TMEM87A: variants seen among roughly 807,000 people sequenced by gnomAD.
TMEM87A encodes the protein transmembrane protein 87A, also known as Golgi-pH regulating cation channel.
In TMEM87A, 50 loss-of-function variants were observed where a neutral mutation model predicts 90.0. The ratio of observed to expected loss-of-function variants is 0.56; its 90% confidence interval spans 0.44 to 0.70. The LOEUF (loss-of-function observed/expected upper bound fraction) is 0.70. Among genes scored for constraint, TMEM87A ranks in the 30% least tolerant of loss-of-function variants. The probability of loss-of-function intolerance (pLI) is 0.00; values close to 1 mark genes in which losing one functional copy is unlikely to be tolerated. For missense variants in TMEM87A, 577 were observed against 660.5 expected (o/e 0.87, Z 1.39); for synonymous variants, 226 against 226.7 (o/e 1.00, Z 0.03).
chr15:42,222,949 T>C (rs967423236), intron 15 of TMEM87A, among the ~76,000 whole-genome samples: 13 of 152,276 alleles, frequency 8.5e-5, no homozygotes, highest in Non-Finnish European at 1.2e-4. Flanking sequence ...AGATGCAAAA[T>C]GTACAATCCT....
At chr15:42,225,053 A>T (rs2050564662) in intron 15 of TMEM87A, among the ~76,000 whole-genome samples, 1 of 152,204 alleles carries the variant, frequency 6.6e-6, no homozygotes, top group African/African-American at 2.4e-5. Context: ...CAATAGTGTG[A>T]TTTCAGATCT....
chr15:42,269,684 C>G (rs973522470), intron 2 of TMEM87A, among the ~76,000 whole-genome samples: 1 of 152,086 alleles, frequency 6.6e-6, no homozygotes, highest in African/African-American at 2.4e-5. Context: ...CGCCTGTAAT[C>G]CCAGCACTTT....
chr15:42,266,949 TGA>T (rs1415776840), intron 3 of TMEM87A, among the ~76,000 whole-genome samples: 4 of 152,202 alleles, frequency 2.6e-5, no homozygotes, highest in African/African-American at 9.7e-5. Context: ...CTTGGTTATT[TGA>T]GAGTTATTTC....
intron 6 of TMEM87A, among the ~76,000 whole-genome samples, chr15:42,254,023 T>C (rs903838306): frequency 6.6e-6 from 1 of 152,230 alleles, no homozygotes; most frequent in Admixed American, 6.5e-5. Flanking sequence ...TATTAATTAT[T>C]TTGTTCTCCA....
At chr15:42,228,896 G>A in intron 12 of TMEM87A, 76 bp from the exon 13 acceptor site, 2 of 1,061,180 alleles carry the variant, frequency 1.9e-6, no homozygotes, top group Non-Finnish European at 1.4e-6. Context: ...TTTCTTTAAG[G>A]ATCTGGGGTC....
At chr15:42,249,323 G>C (rs1392639560) in intron 6 of TMEM87A, among the ~76,000 whole-genome samples, 1 of 152,104 alleles carries the variant, frequency 6.6e-6, no homozygotes, top group African/African-American at 2.4e-5. Context: ...TCTTCTAGTA[G>C]CTTTTGAATT....
intron 19 of TMEM87A, among the ~76,000 whole-genome samples, chr15:42,217,268 A>G (rs1383433474): frequency 6.6e-6 from 1 of 152,132 alleles, no homozygotes; most frequent in East Asian, 1.9e-4. Flanking sequence ...ATCCTAACAT[A>G]AGACTTCATG....
chr15:42,214,839 A>C (rs528406793), intron 19 of TMEM87A, among the ~76,000 whole-genome samples: 4 of 152,352 alleles, frequency 2.6e-5, no homozygotes, highest in African/African-American at 9.6e-5. Context: ...AAAACAGACC[A>C]ATGGGACTAC....
In TMEM87A at chr15:42,228,758, G is replaced by C; in HGVS notation, c.1194C>G (p.Leu398=). The change falls in exon 13 of 20, where the codon CTC becomes CTG. Residue 398 remains leucine (L), a synonymous_variant. Transcript: ENST00000389834. ...TGTTGGTGAAATGCCGATACAAAGA[G>C]AGTTTTACAATGTTCCTCCGAAGTT... ...LLKLRRNIVK[L]SLYRHFTNTL... is the part of the protein sequence containing the mutation. The C allele has an allele frequency of 6.2e-7, 1 of 1,609,782 alleles. No homozygotes were observed. The highest frequency in any genetic ancestry group is 8.5e-7 in the Non-Finnish European group (1 of 1,178,918).
At position 42,273,310 on chromosome 15, in the gene TMEM87A, C is replaced by T; in HGVS notation, c.89G>A (p.Gly30Glu). 1.2e-6 allele frequency: 2 copies of T among 1,614,154 alleles called. No individual in the cohort carries two copies. The highest frequency in any genetic ancestry group is 1.7e-5 in the Admixed American group (1 of 60,022). The change falls in exon 1 of 20, where the codon GGA (glycine) becomes GAA (glutamate). Residue 30 changes from glycine (G) to glutamate (E), a missense_variant. Physicochemically the swap from Gly to Glu is moderately conservative, Grantham distance 98 (BLOSUM62 -2). Transcript: ENST00000389834. ...GTCGGCAGCAGCTACGGTTGCCGGT[C>T]CCGCACTGAAAAACGACAGTGGTGA... ...HPSPLSFFSA[G>E]PATVAAADRS... is the part of the protein sequence containing the mutation.
chr15:42,271,132 C>G (rs554730204), intron 2 of TMEM87A, among the ~76,000 whole-genome samples: 1 of 152,274 alleles, frequency 6.6e-6, no homozygotes, highest in South Asian at 2.1e-4. Context: ...TAAAAGGAAG[C>G]TTTTACTGAA....
At chr15:42,265,367 A>G (rs1019160429) in intron 3 of TMEM87A, among the ~76,000 whole-genome samples, 2 of 152,144 alleles carry the variant, frequency 1.3e-5, no homozygotes, top group African/African-American at 4.8e-5. Context: ...CCTTGCCAGC[A>G]TCTATTATCC....
chr15:42,265,334 T>C (rs2051382109), intron 3 of TMEM87A, among the ~76,000 whole-genome samples: 3 of 152,200 alleles, frequency 2.0e-5, no homozygotes, highest in Admixed American at 1.3e-4. Flanking sequence ...TAACAATGTA[T>C]AAGCATTCCC....
At chr15:42,242,136 A>T (rs543060095) in intron 7 of TMEM87A, among the ~76,000 whole-genome samples, 140 of 152,202 alleles carry the variant, frequency 9.2e-4, no homozygotes, top group African/African-American at 3.3e-3. Flanking sequence ...AACAAGACAG[A>T]CATTTCCAAG....
At chr15:42,254,104 T>C (rs1264432947) in intron 6 of TMEM87A, among the ~76,000 whole-genome samples, 1 of 152,096 alleles carries the variant, frequency 6.6e-6, no homozygotes, top group African/African-American at 2.4e-5. Context: ...AACAGAACTG[T>C]TTTTAAAGCA....
intron 15 of TMEM87A, among the ~76,000 whole-genome samples, chr15:42,220,805 T>C (rs1056752314): frequency 1.3e-5 from 2 of 152,152 alleles, no homozygotes; most frequent in African/African-American, 4.8e-5. Flanking sequence ...ATTTATTTAT[T>C]TTTTGAGACG....
intron 3 of TMEM87A, among the ~76,000 whole-genome samples, chr15:42,266,018 T>C (rs1368365430): frequency 6.6e-6 from 1 of 152,126 alleles, no homozygotes. Context: ...TATCAGATGG[T>C]TGTAGGTGTG....
intron 1 of TMEM87A, among the ~76,000 whole-genome samples, chr15:42,272,492 C>A (rs771924655): frequency 6.6e-6 from 1 of 152,138 alleles, no homozygotes; most frequent in Non-Finnish European, 1.5e-5. Context: ...GTGAGCAGAG[C>A]AGAATGAAAC....
rs2051276355 is a variant in TMEM87A, at chr15:42,260,948, A to G, written c.504+10T>C. 6.2e-7 allele frequency: 1 copy of G among 1,606,772 alleles called. No individual in the cohort carries two copies. Among genetic ancestry groups the G allele is most frequent in the Non-Finnish European group, 8.5e-7 (1 of 1,176,992 alleles). On this transcript the variant is annotated intron_variant, in intron 6 of 19. Transcript: ENST00000389834. The stretch of plus-strand genomic sequence containing the variant: ...TGTGTTCAATGCCCCAAATCCCCAA[A>G]TATACTTACGGTTTTGTCTCCAATA...
Sources: allele counts gnomAD v4.1 joint callset (sites outside exome capture counted in the v4.1 genomes callset), GRCh38; gene constraint gnomAD v4.1.1; transcripts MANE v1.5; gene names NCBI Gene and HGNC (gene_info 2026-07-23, HGNC 2026-07-21).